The following SEM1 variants were observed in gnomAD, a reference collection of about 807,000 sequenced individuals.
SEM1 encodes 26S proteasome complex subunit SEM1.
In SEM1, 3 loss-of-function variants were observed where a neutral mutation model predicts 12.7. The observed-to-expected ratio is 0.24, with a 90% CI of 0.11 to 0.61. The LOEUF (loss-of-function observed/expected upper bound fraction) is 0.61, where lower values mean the gene tolerates loss of function less well. SEM1 is among the 20% of genes least tolerant of loss of function. SEM1 has a pLI of 0.88. For synonymous variants in SEM1, 30 were observed against 27.8 expected, an observed-to-expected ratio of 1.08 and a Z score of -0.25; for missense variants, 59 against 81.3, an observed-to-expected ratio of 0.73 and a Z score of 1.06.
chr7:96,509,855 T>C (rs1803881510), intron 2 of SEM1, among the ~76,000 whole-genome samples: 1 of 150,578 alleles, frequency 6.6e-6, no homozygotes, highest in South Asian at 2.1e-4. Context: ...GGCAAATTCA[T>C]AGAGACAGAA....
At position 96,709,749 on chromosome 7, in the gene SEM1, C is replaced by T. The variant is rs4733; in HGVS notation, c.15G>A (p.Lys5=). ...CTAACAGACCTAAGTCTACCGGCTG[C>T]TTTTTCTCTGACATCTCGACTGTCC... The part of the protein sequence containing the change: MSEK[K]QPVDLGLLEE... Residue 5 remains lysine (K), a synonymous_variant, in exon 1 of 3, where the codon AAG becomes AAA. Coordinates refer to ENST00000248566, the MANE Select transcript of SEM1 (RefSeq NM_006304.2). 0.034 allele frequency: 54,620 copies of T among 1,613,738 alleles called. 1,040 individuals are homozygous for T. The highest frequency in any genetic ancestry group is 0.047 in the African/African-American group (3,543 of 75,002).
intron 2 of SEM1, among the ~76,000 whole-genome samples, chr7:96,610,364 G>A (rs1203932933): frequency 2.6e-5 from 4 of 152,098 alleles, no homozygotes; most frequent in Non-Finnish European, 5.9e-5. Context: ...CTCCCAAGGT[G>A]CTGGGATTAC....
downstream of SEM1, among the ~76,000 whole-genome samples, chr7:96,685,157 A>G (rs138429136): frequency 2.6e-5 from 4 of 152,258 alleles, no homozygotes; most frequent in African/African-American, 7.2e-5. Flanking sequence ...CATTATTAAT[A>G]TAACATTCAA....
intron 2 of SEM1, among the ~76,000 whole-genome samples, chr7:96,657,991 T>C (rs1015045934): frequency 2.3e-4 from 35 of 152,332 alleles, no homozygotes; most frequent in African/African-American, 8.4e-4. Flanking sequence ...TTCTTCCTCA[T>C]GAACGAGTCC....
At position 96,524,713 on chromosome 7, in the gene SEM1, G is replaced by A. The variant is rs57402887; in HGVS notation, c.171-18015C>T. Among the ~76,000 whole-genome samples the A allele has an allele frequency of 2.5e-3, 380 of 151,920 alleles. 2 individuals are homozygous for A. Among genetic ancestry groups the A allele is most frequent in the Middle Eastern group, 6.8e-3 (2 of 294 alleles). On this transcript the variant is annotated intron_variant and NMD_transcript_variant, in intron 2 of 3. Transcript: ENST00000466986. ...TCAACATAAAAATTATTGATGAGAT[G>A]TTTTACAATCTTATTTCATGCTAGA...
chr7:96,686,717 C>T (rs1220666200), downstream of SEM1, among the ~76,000 whole-genome samples: 1 of 152,128 alleles, frequency 6.6e-6, no homozygotes, highest in African/African-American at 2.4e-5. Context: ...ACATTCAGGA[C>T]ATAGGCATGG....
intron 2 of SEM1, among the ~76,000 whole-genome samples, chr7:96,683,684 T>C (rs1584860610): frequency 6.6e-6 from 1 of 152,172 alleles, no homozygotes; most frequent in South Asian, 2.1e-4. Context: ...ATATACACCA[T>C]GGAATACTAT....
At chr7:96,517,109 G>A (rs898774507) in intron 2 of SEM1, among the ~76,000 whole-genome samples, 1 of 152,112 alleles carries the variant, frequency 6.6e-6, no homozygotes, top group African/African-American at 2.4e-5. Flanking sequence ...AGAACTTTTA[G>A]GGAAGTGAAA....
rs575454777 is a variant in SEM1 at position 96,595,158 on chromosome 7, G to A, written c.171-88460C>T. 1.2e-4 allele frequency among the ~76,000 whole-genome samples: 19 copies of A among 152,098 alleles called. No homozygotes were observed. The South Asian group carries it at 3.5e-3, about 28-fold the overall frequency. On this transcript the variant is annotated intron_variant and NMD_transcript_variant, in intron 2 of 3. Coordinates refer to the SEM1 transcript ENST00000466986. ...CTGAAAGGAACTTTTCTCAAACTAG[G>A]TAATATTTTTTTTAATCAATGATGC...
At chr7:96,563,437 C>T (rs949826966) in intron 2 of SEM1, among the ~76,000 whole-genome samples, 2 of 152,082 alleles carry the variant, frequency 1.3e-5, no homozygotes, top group Non-Finnish European at 2.9e-5. Flanking sequence ...ATAAACAACA[C>T]TCTTAAAGCT....
intron 2 of SEM1, among the ~76,000 whole-genome samples, chr7:96,515,710 G>A (rs1040914203): frequency 1.3e-5 from 2 of 152,140 alleles, no homozygotes; most frequent in Non-Finnish European, 2.9e-5. Flanking sequence ...AAAAGGATGA[G>A]TTCCTGCCCT....
chr7:96,633,112 A>G (rs1808324666), intron 2 of SEM1, among the ~76,000 whole-genome samples: 1 of 152,094 alleles, frequency 6.6e-6, no homozygotes, highest in African/African-American at 2.4e-5. Context: ...TTCAGATTCA[A>G]TTAGTTTAGG....
intron 2 of SEM1, among the ~76,000 whole-genome samples, chr7:96,582,843 T>G (rs553132105): frequency 7.2e-5 from 11 of 152,326 alleles, no homozygotes; most frequent in Non-Finnish European, 1.5e-4. Context: ...TTTTATTGCG[T>G]CTATTTGATT....
intron 2 of SEM1, among the ~76,000 whole-genome samples, chr7:96,636,946 G>A (rs1306287010): frequency 2.6e-5 from 4 of 152,048 alleles, no homozygotes; most frequent in Non-Finnish European, 5.9e-5. Context: ...GTGGAAGATG[G>A]AGATACCTCC....
upstream of SEM1, among the ~76,000 whole-genome samples, chr7:96,500,243 A>G (rs1336347210): frequency 6.6e-6 from 1 of 151,500 alleles, no homozygotes; most frequent in Non-Finnish European, 1.5e-5. Context: ...AGCAAAGGGG[A>G]CACTGGCCTG....
chr7:96,521,592 C>G (rs1053836493), intron 2 of SEM1, among the ~76,000 whole-genome samples: 1 of 152,106 alleles, frequency 6.6e-6, no homozygotes, highest in Non-Finnish European at 1.5e-5. Flanking sequence ...CACAACTCGG[C>G]ACGGTATTTT....
intron 1 of SEM1, among the ~76,000 whole-genome samples, chr7:96,703,416 T>C (rs904126358): frequency 6.6e-6 from 1 of 152,222 alleles, no homozygotes; most frequent in Non-Finnish European, 1.5e-5. Flanking sequence ...AAAATGTTTG[T>C]ACTGTACTTT....
At chr7:96,617,896 T>TG (rs1807768990), downstream of SEM1, among the ~76,000 whole-genome samples, 9 of 152,184 alleles carry the variant, frequency 5.9e-5, no homozygotes, top group Non-Finnish European at 1.3e-4. Flanking sequence ...TCCCACCTGA[T>TG]CATGGTGTAG....
chr7:96,687,168 A>C (rs1297231496), downstream of SEM1, among the ~76,000 whole-genome samples: 2 of 152,172 alleles, frequency 1.3e-5, no homozygotes, highest in Non-Finnish European at 2.9e-5. Flanking sequence ...AGAAACAGGA[A>C]CACTTTTACA....
Sources: allele counts gnomAD v4.1 joint callset (sites outside exome capture counted in the v4.1 genomes callset), GRCh38; gene constraint gnomAD v4.1.1; transcripts MANE v1.5; gene names NCBI Gene and HGNC (gene_info 2026-07-23, HGNC 2026-07-21).